CTDSP1: variants seen among roughly 807,000 people sequenced by gnomAD.
CTDSP1 encodes the protein CTD small phosphatase 1.
Under a neutral mutation model 32.5 loss-of-function variants are expected in CTDSP1, and 15 were observed. The observed-to-expected ratio is 0.46, with a 90% CI of 0.31 to 0.71. The LOEUF (loss-of-function observed/expected upper bound fraction) is 0.71, where lower values mean the gene tolerates loss of function less well. Ranked by LOEUF, CTDSP1 falls within the 30% of genes least tolerant of loss-of-function variation. The pLI is 0.05. For synonymous variants in CTDSP1, 185 were observed against 145.4 expected, an observed-to-expected ratio of 1.27 and a Z score of -1.96; for missense variants, 294 against 351.1, an observed-to-expected ratio of 0.84 and a Z score of 1.30.
At chr2:218,401,320 G>C (rs1018430084) in intron 1 of CTDSP1, 2 of 564,512 alleles carry the variant, frequency 3.5e-6, no homozygotes, top group African/African-American at 3.8e-5. Flanking sequence ...TCCAGGCCAC[G>C]CACTCCCTAT....
chr2:218,400,461 C>A (rs544703907), intron 1 of CTDSP1: 212 of 483,756 alleles, frequency 4.4e-4, no homozygotes, highest in Non-Finnish European at 6.4e-4. Context: ...GGCGCCCCCC[C>A]ACCATTGGCG....
At position 218,401,682 on chromosome 2, in the gene CTDSP1, G is replaced by A. The variant is rs144048283; in HGVS notation, c.186G>A (p.Leu62=). The A allele has an allele frequency of 3.1e-6, 5 of 1,600,386 alleles. No homozygotes were observed. Among genetic ancestry groups the A allele is most frequent in the Non-Finnish European group, 4.3e-6 (5 of 1,173,318 alleles). ...TGCCTGCTCACAGCGGGGCGCCCCTGCTTGTGGAGGAGAATGGCGCCATCC... is the reference window on the plus strand; with the variant it reads ...TGCCTGCTCACAGCGGGGCGCCCCTACTTGTGGAGGAGAATGGCGCCATCC... ...EALPAHSGAP[L]LVEENGAIPK... The change falls in exon 2 of 7, where the codon CTG becomes CTA. Residue 62 remains leucine, a synonymous_variant. Transcript: ENST00000273062.
upstream of CTDSP1, chr2:218,398,359 G>T (rs1033199590): frequency 2.0e-6 from 3 of 1,487,582 alleles, no homozygotes; most frequent in African/African-American, 4.2e-5. Context: ...GGCGCAGCCA[G>T]AGCAGGCCTA....
intron 4 of CTDSP1, chr2:218,402,621 G>A (rs1166186385): frequency 6.6e-6 from 5 of 761,890 alleles, no homozygotes; most frequent in Admixed American, 5.4e-5. Context: ...GCTCCCCCGT[G>A]CTGTGCTCCC....
chr2:218,398,473 G>A, upstream of CTDSP1: 9 of 1,528,392 alleles, frequency 5.9e-6, no homozygotes, highest in East Asian at 5.0e-5. Flanking sequence ...CCAGCCCGGG[G>A]ACCGGGGTAT....
Position 218,400,144 on chromosome 2 carries a change from G to A in CTDSP1, c.54G>A (p.Pro18=). The A allele has an allele frequency of 3.9e-6, 6 of 1,545,226 alleles. No individual in the cohort carries two copies. Among genetic ancestry groups the A allele is most frequent in the Non-Finnish European group, 5.2e-6 (6 of 1,145,164 alleles). The change falls in exon 1 of 7, where the codon CCG becomes CCA. Residue 18 remains proline (P), a synonymous_variant. Transcript: ENST00000273062. ...TQISKEEARG[P]LRGKGDQKSA... ...TCAGCAAGGAGGAGGCTCGGGGCCCGCTGCGGGGCAAAGGTACCGGGGCTG... is the reference window on the plus strand; with the variant it reads ...TCAGCAAGGAGGAGGCTCGGGGCCCACTGCGGGGCAAAGGTACCGGGGCTG...
Position 218,400,086 on chromosome 2 carries a change from GC to G in CTDSP1, c.-1del. The G allele has an allele frequency of 6.8e-7, 1 of 1,470,174 alleles. No homozygotes were observed. The highest frequency in any genetic ancestry group is 9.0e-7 in the Non-Finnish European group (1 of 1,110,686). 91.1% of individuals were successfully genotyped at this position (1,470,174 alleles called of 1,614,324 possible). A position where few individuals can be genotyped will look rare whatever the true frequency, so the allele number is the denominator to read the frequency against. ...GTCCGGCCGGAGCGGAGCGCGCCCG[GC>G]CCCATGGACAGCTCGGCCGTCATTA... On this transcript the variant is annotated 5_prime_UTR_variant, in exon 1 of 7. Transcript: ENST00000273062.
At position 218,400,173 on chromosome 2, in the gene CTDSP1, G is replaced by A. The variant is rs1697040061; in HGVS notation, c.67+16G>A. ...CGGGGCAAAGGTACCGGGGCTGCGGGGAGGGGGCCGAAGCCGGGGCGCCGT... is the reference window on the plus strand; with the variant it reads ...CGGGGCAAAGGTACCGGGGCTGCGGAGAGGGGGCCGAAGCCGGGGCGCCGT... On this transcript the variant is annotated intron_variant, in intron 1 of 6. Transcript: ENST00000273062. 2 of 1,537,540 alleles carry A rather than the reference G, an allele frequency of 1.3e-6. No individual in the cohort carries two copies. Among genetic ancestry groups the A allele is most frequent in the South Asian group, 1.2e-5 (1 of 83,018 alleles).
chr2:218,401,164 G>A (rs1465740558), intron 1 of CTDSP1: 9 of 364,386 alleles, frequency 2.5e-5, no homozygotes, highest in South Asian at 1.4e-4. Context: ...GGAGGGCAGG[G>A]GTGGACTGCC....
upstream of CTDSP1, among the ~76,000 whole-genome samples, chr2:218,397,248 G>A (rs1307751506): frequency 1.3e-5 from 2 of 152,210 alleles, no homozygotes; most frequent in African/African-American, 4.8e-5. Flanking sequence ...GTCGCGCCAA[G>A]GTCAGTCATT....
At chr2:218,398,286 A>C, upstream of CTDSP1, 1 of 853,910 alleles carries the variant, frequency 1.2e-6, no homozygotes, top group Non-Finnish European at 1.8e-6. Flanking sequence ...CTTGAAACTC[A>C]GTTTCCTCAT....
rs748796724 is a variant in CTDSP1, at chr2:218,400,131, A to C, written c.41A>C (p.Glu14Ala). 17 of 1,545,366 alleles carry C rather than the reference A, an allele frequency of 1.1e-5. No homozygotes were observed. The South Asian group carries it at 1.6e-4, about 14-fold the overall frequency. Residue 14 changes from glutamate to alanine, a missense_variant, in exon 1 of 7, where the codon GAG becomes GCG. This residue lies in a region of CTDSP1 where 148 missense variants were observed against 113.3 expected (regional missense o/e 1.31). Transcript: ENST00000273062. ...GTCATTACTCAGATCAGCAAGGAGG[A>C]GGCTCGGGGCCCGCTGCGGGGCAAA... ...SAVITQISKE[E>A]ARGPLRGKGD... is the part of the protein sequence containing the mutation.
intron 1 of CTDSP1, chr2:218,401,051 CAG>C (rs964000756): frequency 2.4e-6 from 1 of 413,096 alleles, no homozygotes; most frequent in African/African-American, 2.0e-5. Flanking sequence ...GCAGGGCAAA[CAG>C]ATGGCCACTG....
intron 6 of CTDSP1, among the ~76,000 whole-genome samples, chr2:218,404,059 CA>C (rs762447631): frequency 0.014 from 1,923 of 134,124 alleles, 31 homozygotes; most frequent in African/African-American, 0.04. Flanking sequence ...GACCCTGCCT[CA>C]AAAAAAAAAA....
intron 2 of CTDSP1, 92 bp from the exon 3 acceptor site, chr2:218,402,019 T>C: frequency 1.1e-6 from 1 of 887,960 alleles, no homozygotes; most frequent in Non-Finnish European, 1.8e-6. Flanking sequence ...GGGCCTGGGG[T>C]TCCTCTGGAG....
At chr2:218,399,863 T>A (rs1311979766), upstream of CTDSP1, 3 of 1,232,696 alleles carry the variant, frequency 2.4e-6, no homozygotes, top group Non-Finnish European at 2.0e-6. Context: ...CTGGGTTCCA[T>A]GTTTGCATCC....
intron 1 of CTDSP1, 185 bp from the exon 2 acceptor site, chr2:218,401,379 G>T (rs1314128635): frequency 1.6e-6 from 1 of 632,780 alleles, no homozygotes; most frequent in East Asian, 2.8e-5. Context: ...AGCTGCAGGA[G>T]CCTTGCAGTT....
In CTDSP1 at chr2:218,403,109, C is replaced by T; in HGVS notation, c.453C>T (p.Phe151=). 3 of 1,614,144 alleles carry T rather than the reference C, an allele frequency of 1.9e-6. No homozygotes were observed. The highest frequency in any genetic ancestry group is 2.5e-6 in the Non-Finnish European group (3 of 1,180,016). The part of the protein sequence containing the change: ...RMGELFECVL[F]TASLAKYADP... Reference sequence around the variant, plus strand: ...GCGAGCTCTTTGAATGTGTGCTGTTCACTGCTAGCCTCGCCAAGGTGAGCC... The same window carrying T: ...GCGAGCTCTTTGAATGTGTGCTGTTTACTGCTAGCCTCGCCAAGGTGAGCC... The change falls in exon 5 of 7, where the codon TTC becomes TTT. Residue 151 remains phenylalanine, a synonymous_variant. Transcript: ENST00000273062.
At chr2:218,402,947 C>T in intron 4 of CTDSP1, 88 bp from the exon 5 acceptor site, 1 of 961,082 alleles carries the variant, frequency 1.0e-6, no homozygotes, top group South Asian at 1.3e-5. Context: ...CTGTGCGCCT[C>T]TGCCTCCCTG....
Sources: allele counts gnomAD v4.1 joint callset (sites outside exome capture counted in the v4.1 genomes callset), GRCh38; gene constraint gnomAD v4.1.1; regional missense constraint gnomAD v4.1.1; transcripts MANE v1.5; gene names NCBI Gene and HGNC (gene_info 2026-07-23, HGNC 2026-07-21).